Variants in CDH13 observed in about 807,000 individuals in gnomAD.
CDH13 encodes the protein cadherin-13.
In CDH13, 24 loss-of-function variants were observed where a neutral mutation model predicts 63.8. That is an observed-to-expected ratio of 0.38 (90% confidence interval 0.27 to 0.53). The LOEUF is 0.53. Ranked by LOEUF, CDH13 falls within the 20% of genes least tolerant of loss-of-function variation. The pLI is 0.85. For missense variants in CDH13, 1,049 were observed against 903.1 expected, an observed-to-expected ratio of 1.16 and a Z score of -2.07; for synonymous variants, 503 against 355.3, an observed-to-expected ratio of 1.42 and a Z score of -4.67.
chr16:83,517,614 G>A (rs1041568423), intron 7 of CDH13, among the ~76,000 whole-genome samples: 8 of 152,184 alleles, frequency 5.3e-5, no homozygotes, highest in Non-Finnish European at 7.3e-5. Context: ...AGAAATGTGA[G>A]GGAACACGTG....
intron 1 of CDH13, among the ~76,000 whole-genome samples, chr16:82,836,484 C>T (rs1597749490): frequency 6.6e-6 from 1 of 152,126 alleles, no homozygotes; most frequent in Non-Finnish European, 1.5e-5. Context: ...ATGTTCATCT[C>T]AGTATACTGC....
intron 5 of CDH13, among the ~76,000 whole-genome samples, chr16:83,316,164 A>C (rs563041232): frequency 6.6e-6 from 1 of 152,228 alleles, no homozygotes; most frequent in East Asian, 1.9e-4. Context: ...ACTGACTATC[A>C]CAAGAAGAGC....
chr16:83,628,619 GT>G (rs1441783742), intron 8 of CDH13, among the ~76,000 whole-genome samples: 2 of 152,184 alleles, frequency 1.3e-5, no homozygotes, highest in Admixed American at 6.5e-5. Flanking sequence ...TTCCCAGTCT[GT>G]AGTTTTTATT....
At chr16:83,622,304 G>A (rs970800157) in intron 8 of CDH13, among the ~76,000 whole-genome samples, 1 of 152,066 alleles carries the variant, frequency 6.6e-6, no homozygotes, top group Non-Finnish European at 1.5e-5. Flanking sequence ...GGTTCCAGAG[G>A]CAGCTTTCAA....
intron 2 of CDH13, among the ~76,000 whole-genome samples, chr16:82,964,172 T>C (rs1298598901): frequency 2.0e-5 from 3 of 152,326 alleles, no homozygotes; most frequent in South Asian, 2.1e-4. Context: ...GCCTGCTCTG[T>C]ATTAATAAAA....
At chr16:82,738,764 C>G (rs2033801110) in intron 1 of CDH13, among the ~76,000 whole-genome samples, 1 of 152,220 alleles carries the variant, frequency 6.6e-6, no homozygotes, top group African/African-American at 2.4e-5. Flanking sequence ...GGCATTAACT[C>G]TCTATGCCCT....
intron 8 of CDH13, among the ~76,000 whole-genome samples, chr16:83,643,703 C>T (rs1732346997): frequency 6.6e-6 from 1 of 152,196 alleles, no homozygotes; most frequent in Non-Finnish European, 1.5e-5. Context: ...TTTGCAGAAG[C>T]AGTCAGGAGA....
chr16:82,883,568 C>T (rs1360748498), intron 2 of CDH13, among the ~76,000 whole-genome samples: 5 of 152,218 alleles, frequency 3.3e-5, no homozygotes, highest in Non-Finnish European at 7.3e-5. Context: ...GCTTTGTCTC[C>T]TGTTAGTCTA....
At position 82,710,552 on chromosome 16, in the gene CDH13, A is replaced by AAAT. The variant is rs60196638; in HGVS notation, c.45+83416_45+83417insATA. On this transcript the variant is annotated intron_variant, in intron 1 of 13. Transcript: ENST00000567109. ...TGTCTCAAAAAAAAAAAAAAAAAAA[A>AAAT]ATATATATATATATATATATATATA... is the stretch of plus-strand genomic sequence containing the variant. 6.9e-3 allele frequency among the ~76,000 whole-genome samples: 440 copies of AAAT among 63,648 alleles called. 4 individuals are homozygous for AAAT. Among genetic ancestry groups the AAAT allele is most frequent in the South Asian group, 0.023 (53 of 2,258 alleles). The allele number at this position is 63,648 out of a possible 152,430, so 41.8% of individuals were successfully genotyped here.
intron 1 of CDH13, among the ~76,000 whole-genome samples, chr16:82,837,181 G>A (rs535394928): frequency 2.6e-5 from 4 of 152,340 alleles, no homozygotes; most frequent in East Asian, 3.9e-4. Context: ...GTTAGGCCAC[G>A]TGGATTTTCC....
intron 1 of CDH13, among the ~76,000 whole-genome samples, chr16:82,787,110 T>G (rs576273397): frequency 6.6e-6 from 1 of 152,196 alleles, no homozygotes; most frequent in South Asian, 2.1e-4. Flanking sequence ...TAAGACAAAA[T>G]GAGTCCATGG....
chr16:83,711,405 G>A (rs1908027556), intron 10 of CDH13, among the ~76,000 whole-genome samples: 1 of 152,138 alleles, frequency 6.6e-6, no homozygotes, highest in Non-Finnish European at 1.5e-5. Context: ...TTATCTTAGT[G>A]TAATCAGTCA....
At chr16:82,684,343 C>G (rs992941971) in intron 1 of CDH13, among the ~76,000 whole-genome samples, 22 of 152,100 alleles carry the variant, frequency 1.4e-4, no homozygotes, top group Admixed American at 3.9e-4. Flanking sequence ...TCATCAGTCC[C>G]TTAGATAACA....
At chr16:83,425,833 A>G (rs2071877735) in intron 6 of CDH13, among the ~76,000 whole-genome samples, 1 of 146,804 alleles carries the variant, frequency 6.8e-6, no homozygotes, top group Non-Finnish European at 1.5e-5. Flanking sequence ...CCTTCCTTCC[A>G]TTTATTCATT....
At chr16:83,477,746 C>A (rs1463846487) in intron 6 of CDH13, among the ~76,000 whole-genome samples, 9 of 152,174 alleles carry the variant, frequency 5.9e-5, no homozygotes, top group Admixed American at 4.6e-4. Flanking sequence ...GCTCTACCAA[C>A]AGACAAGGTC....
chr16:83,313,622 T>G (rs2090044952), intron 5 of CDH13, among the ~76,000 whole-genome samples: 2 of 134,356 alleles, frequency 1.5e-5, no homozygotes, highest in South Asian at 4.8e-4. Context: ...AATAAATGAC[T>G]CTCAAGAACC....
intron 2 of CDH13, among the ~76,000 whole-genome samples, chr16:82,989,408 C>T (rs1911370153): frequency 1.3e-5 from 2 of 152,122 alleles, no homozygotes; most frequent in African/African-American, 4.8e-5. Context: ...GCAGTGTGAG[C>T]TGGAGAGGGA....
At chr16:83,306,487 A>G (rs2089881991) in intron 5 of CDH13, among the ~76,000 whole-genome samples, 1 of 152,106 alleles carries the variant, frequency 6.6e-6, no homozygotes, top group Non-Finnish European at 1.5e-5. Flanking sequence ...CTTGGGTTTC[A>G]TTCCCTTGGC....
intron 7 of CDH13, among the ~76,000 whole-genome samples, chr16:83,534,302 C>A (rs1044674958): frequency 2.6e-5 from 4 of 152,186 alleles, no homozygotes; most frequent in African/African-American, 9.7e-5. Context: ...AAATACCAGT[C>A]CCTTCATTTT....
Sources: allele counts gnomAD v4.1 joint callset (sites outside exome capture counted in the v4.1 genomes callset), GRCh38; gene constraint gnomAD v4.1.1; transcripts MANE v1.5; gene names NCBI Gene and HGNC (gene_info 2026-07-23, HGNC 2026-07-21).